CAMK1D: variants seen among roughly 807,000 people sequenced by gnomAD.
The protein encoded by CAMK1D is calcium/calmodulin dependent protein kinase ID.
CAMK1D carries 9 observed loss-of-function variants against 47.7 expected under a neutral mutation model. That is an observed-to-expected ratio of 0.19 (90% CI 0.11 to 0.33). CAMK1D has a LOEUF of 0.33. CAMK1D is among the 10% of genes least tolerant of loss of function. The probability of loss-of-function intolerance (pLI) is 1.00; values close to 1 mark genes in which losing one functional copy is unlikely to be tolerated. For missense variants in CAMK1D, 291 were observed against 488.7 expected (o/e 0.60, Z 3.81); for synonymous variants, 184 against 184.9 (o/e 0.99, Z 0.04).
chr10:12,565,822 A>G (rs1837106580), intron 2 of CAMK1D, among the ~76,000 whole-genome samples: 2 of 151,988 alleles, frequency 1.3e-5, no homozygotes, highest in South Asian at 2.1e-4. Flanking sequence ...TCTTTCCAAT[A>G]TGATTTGACC....
intron 1 of CAMK1D, among the ~76,000 whole-genome samples, chr10:12,541,615 C>A (rs138679083): frequency 1.3e-5 from 2 of 152,058 alleles, no homozygotes; most frequent in South Asian, 2.1e-4. Flanking sequence ...CGCCTTGGCC[C>A]CCCAAAAGTG....
chr10:12,806,733 C>T (rs567675920), intron 6 of CAMK1D, among the ~76,000 whole-genome samples: 1 of 152,156 alleles, frequency 6.6e-6, no homozygotes, highest in South Asian at 2.1e-4. Flanking sequence ...TGATTTTTGT[C>T]CATGCCAGGG....
chr10:12,524,117 C>T (rs11257855), intron 1 of CAMK1D, among the ~76,000 whole-genome samples: 76,702 of 150,502 alleles, frequency 0.51, 19,777 homozygotes, highest in South Asian at 0.62. Context: ...TGGTCTTGAT[C>T]TCCTGACATC....
chr10:12,562,024 T>A (rs2768351), intron 2 of CAMK1D, among the ~76,000 whole-genome samples: 123,467 of 152,132 alleles, frequency 0.81, 51,212 homozygotes, highest in Non-Finnish European at 0.9. Flanking sequence ...TTCTTGTGGA[T>A]GTTAGTGTCT....
chr10:12,665,678 A>G (rs1339998885), intron 2 of CAMK1D, among the ~76,000 whole-genome samples: 3 of 152,230 alleles, frequency 2.0e-5, no homozygotes, highest in African/African-American at 7.2e-5. Flanking sequence ...AATAATGTCA[A>G]GCCTTACATT....
intron 1 of CAMK1D, among the ~76,000 whole-genome samples, chr10:12,497,135 A>G (rs1289353488): frequency 1.3e-5 from 2 of 152,046 alleles, no homozygotes; most frequent in African/African-American, 4.8e-5. Context: ...TATCCAGTCT[A>G]TCATTGATGG....
intron 1 of CAMK1D, among the ~76,000 whole-genome samples, chr10:12,425,350 C>T (rs969497342): frequency 6.4e-4 from 97 of 150,412 alleles, no homozygotes; most frequent in African/African-American, 2.1e-3. Context: ...GGTGCAGTCT[C>T]GGCTCACTGC....
intron 1 of CAMK1D, among the ~76,000 whole-genome samples, chr10:12,421,511 CTTTTTTTTTT>C (rs71384322): frequency 0.01 from 517 of 50,760 alleles, 3 homozygotes; most frequent in African/African-American, 0.037. Flanking sequence ...ATCCAGGATT[CTTTTTTTTTT>C]TTTTTTTTTT....
chr10:12,387,445 T>TTATATATAATATATA (rs1838560158), intron 1 of CAMK1D, among the ~76,000 whole-genome samples: 1 of 66,660 alleles, frequency 1.5e-5, no homozygotes, highest in Non-Finnish European at 3.3e-5. Flanking sequence ...TATATATATT[T>TTATATATAATATATA]TATATATATA....
chr10:12,760,145 C>T (rs1213974004), intron 3 of CAMK1D, among the ~76,000 whole-genome samples: 2 of 152,128 alleles, frequency 1.3e-5, no homozygotes, highest in Middle Eastern at 3.2e-3. Context: ...GAACTCAGGG[C>T]AGCATAAAAT....
At chr10:12,352,996 C>G (rs551430707) in intron 1 of CAMK1D, among the ~76,000 whole-genome samples, 1 of 152,228 alleles carries the variant, frequency 6.6e-6, no homozygotes, top group East Asian at 1.9e-4. Context: ...CTCGGCCTCC[C>G]AAAGTGCTGG....
chr10:12,719,816 A>G (rs1400074285), intron 3 of CAMK1D, among the ~76,000 whole-genome samples: 1 of 152,234 alleles, frequency 6.6e-6, no homozygotes, highest in African/African-American at 2.4e-5. Context: ...TAGCAGGTGT[A>G]GAGACTAGAA....
At chr10:12,683,554 T>C (rs1326123199) in intron 3 of CAMK1D, among the ~76,000 whole-genome samples, 1 of 152,222 alleles carries the variant, frequency 6.6e-6, no homozygotes. Context: ...CTTTTTTCAC[T>C]GTGCTCCTTA....
rs537969121 is a variant in CAMK1D, at chr10:12,569,924, G to A, written c.224+16568G>A. On this transcript the variant is annotated intron_variant, in intron 2 of 10. Coordinates refer to ENST00000619168, the MANE Select transcript of CAMK1D (RefSeq NM_153498.4). ...ACTACTTTTAAAAATATTTTAGGCCGGGCATGGTGGCTCACGCCTGTAATC... is the reference window on the plus strand; with the variant it reads ...ACTACTTTTAAAAATATTTTAGGCCAGGCATGGTGGCTCACGCCTGTAATC... 1.2e-4 allele frequency among the ~76,000 whole-genome samples: 18 copies of A among 152,020 alleles called. 1 individual carries two copies. The South Asian group carries it at 2.7e-3, about 23-fold the overall frequency.
intron 8 of CAMK1D, 30 bp from the exon 9 acceptor site, chr10:12,824,435 T>G: frequency 6.2e-7 from 1 of 1,603,872 alleles, no homozygotes; most frequent in African/African-American, 1.3e-5. Flanking sequence ...GAAGAAGCAC[T>G]TCAGAGCAGC....
At chr10:12,411,056 C>T (rs905906217) in intron 1 of CAMK1D, among the ~76,000 whole-genome samples, 5 of 152,136 alleles carry the variant, frequency 3.3e-5, no homozygotes, top group Non-Finnish European at 7.3e-5. Flanking sequence ...CTCAAAAATC[C>T]ATTGTGCTTC....
intron 8 of CAMK1D, among the ~76,000 whole-genome samples, chr10:12,821,195 A>G (rs1832999501): frequency 6.6e-6 from 1 of 152,184 alleles, no homozygotes; most frequent in African/African-American, 2.4e-5. Context: ...AGGGCCGTCG[A>G]CTGATTGAAC....
At chr10:12,463,921 C>T (rs1005150102) in intron 1 of CAMK1D, among the ~76,000 whole-genome samples, 3 of 152,100 alleles carry the variant, frequency 2.0e-5, no homozygotes, top group African/African-American at 7.2e-5. Context: ...CCTTCTCCTT[C>T]CTGCCGCCTT....
At chr10:12,416,928 G>A (rs1839870024) in intron 1 of CAMK1D, among the ~76,000 whole-genome samples, 1 of 152,148 alleles carries the variant, frequency 6.6e-6, no homozygotes, top group African/African-American at 2.4e-5. Flanking sequence ...CGGTGCTAGC[G>A]ATGCTGTAGA....
Sources: gnomAD v4.1 joint callset for allele counts (sites outside exome capture counted in the v4.1 genomes callset) on GRCh38, gnomAD v4.1.1 for gene constraint, MANE v1.5 for transcripts, NCBI Gene and HGNC (gene_info 2026-07-23, HGNC 2026-07-21) for gene names.